Variants in LRPPRC observed in about 807,000 individuals in gnomAD.
LRPPRC encodes leucine-rich PPR motif-containing protein, mitochondrial.
In LRPPRC, 120 loss-of-function variants were observed where a neutral mutation model predicts 180.3. The ratio of observed to expected loss-of-function variants is 0.67; its 90% CI spans 0.57 to 0.77. The LOEUF is 0.77. LRPPRC is among the 30% of genes least tolerant of loss of function. The pLI, the probability that LRPPRC is intolerant of heterozygous loss-of-function variation, is 0.00. For missense variants in LRPPRC, 2,012 were observed against 1,657.2 expected (o/e 1.21, Z -3.72); for synonymous variants, 723 against 600.0 (o/e 1.21, Z -3.00).
At chr2:43,945,915 C>T (rs1167707417) in intron 21 of LRPPRC, among the ~76,000 whole-genome samples, 198 bp downstream of exon 21, 1 of 151,132 alleles carries the variant, frequency 6.6e-6, no homozygotes, top group Non-Finnish European at 1.5e-5. Context: ...TCTTATCATA[C>T]TTAAACAAAG....
intron 31 of LRPPRC, 133 bp downstream of exon 31, chr2:43,905,559 C>G (rs1332754648): frequency 1.3e-6 from 1 of 745,450 alleles, no homozygotes; most frequent in Non-Finnish European, 2.5e-6. Context: ...TTATGTCTCT[C>G]AGCTACCACA....
intron 11 of LRPPRC, 153 bp from the exon 12 acceptor site, chr2:43,963,859 A>G (rs1673452202): frequency 1.1e-5 from 7 of 662,558 alleles, no homozygotes; most frequent in South Asian, 3.5e-5. Context: ...ACACTGTGAG[A>G]TACAATGATA....
At chr2:43,962,736 G>C (rs564739532) in intron 12 of LRPPRC, among the ~76,000 whole-genome samples, 1 of 152,184 alleles carries the variant, frequency 6.6e-6, no homozygotes, top group Non-Finnish European at 1.5e-5. Flanking sequence ...AAAAAAGAGA[G>C]AGAGACAGAA....
In LRPPRC at chr2:43,959,419, G is replaced by A. The variant is rs566587484; in HGVS notation, c.1582+1122C>T. Among the ~76,000 whole-genome samples the A allele has an allele frequency of 3.3e-5, 5 of 152,210 alleles. No homozygotes were observed. The East Asian group carries it at 9.6e-4, about 29-fold the overall frequency. On this transcript the variant is annotated intron_variant, in intron 13 of 37. Transcript: ENST00000260665. ...TACCAATAACCTGGTTGGTATAAAG[G>A]TTCCACCCATACAGTTTGAATATAA...
At chr2:43,963,559 TATTAA>T in intron 12 of LRPPRC, 24 bp downstream of exon 12, 1 of 1,276,000 alleles carries the variant, frequency 7.8e-7, no homozygotes, top group South Asian at 1.2e-5. Flanking sequence ...CCTCTTCAAT[TATTAA>T]ATTAAAACCA....
chr2:43,934,187 C>T lies in LRPPRC; in HGVS notation c.2736+3G>A, dbSNP rs1672188741. ...AATTAGAACACTGTAGTTAAAATCA[C>T]ACCTCAATGATCTTCTTGGCCTCTT... On this transcript the variant is annotated splice_donor_region_variant and intron_variant, in intron 25 of 37. Transcript: ENST00000260665. 2 of 1,541,416 alleles carry T rather than the reference C, an allele frequency of 1.3e-6. No individual in the cohort carries two copies. Among genetic ancestry groups the T allele is most frequent in the East Asian group, 4.5e-5 (2 of 44,416 alleles).
At chr2:43,930,815 T>C (rs548501739) in intron 25 of LRPPRC, among the ~76,000 whole-genome samples, 1 of 152,296 alleles carries the variant, frequency 6.6e-6, no homozygotes, top group South Asian at 2.1e-4. Context: ...AACTCAGGGT[T>C]CGTGAGTTCT....
intron 26 of LRPPRC, 102 bp downstream of exon 26, chr2:43,925,791 A>G (rs931742511): frequency 2.5e-6 from 2 of 798,134 alleles, no homozygotes; most frequent in African/African-American, 3.4e-5. Context: ...TGCTTCCACA[A>G]TGCCCTGTCT....
chr2:43,916,147 A>C (rs1214903921), intron 29 of LRPPRC, among the ~76,000 whole-genome samples: 4 of 152,176 alleles, frequency 2.6e-5, no homozygotes, highest in Admixed American at 2.6e-4. Flanking sequence ...AAAACTATCA[A>C]TACTAAAATA....
rs762916998 is a variant in LRPPRC, at chr2:43,905,771, G to C, written c.3285C>G (p.Thr1095=). ...QAMEVKAFAE[T]HIKGFTLNDA... ...CGTTCAGTGTGAAGCCCTTGATGTG[G>C]GTCTCCGCGCTAAAAGAAGCAGACA... The change falls in exon 31 of 38, where the codon ACC becomes ACG. Residue 1095 remains threonine, a synonymous_variant. Coordinates refer to ENST00000260665, the MANE Select transcript of LRPPRC (RefSeq NM_133259.4). 18 of 1,608,374 alleles carry C rather than the reference G, an allele frequency of 1.1e-5. No homozygotes were observed. The highest frequency in any genetic ancestry group is 1.4e-5 in the Non-Finnish European group (17 of 1,174,806).
chr2:43,985,043 T>C (rs377646932), intron 1 of LRPPRC, among the ~76,000 whole-genome samples: 2 of 151,370 alleles, frequency 1.3e-5, no homozygotes, highest in African/African-American at 4.9e-5. Context: ...AACGATCTTA[T>C]AGTTGAATGT....
chr2:43,947,325 G>A lies in LRPPRC; in HGVS notation c.2011C>T (p.Leu671=), dbSNP rs1258472906. The change falls in exon 20 of 38, where the codon CTA becomes TTA. Residue 671 remains leucine (L), a synonymous_variant. Transcript: ENST00000260665. ...SSELESTLET[L]KAENQPIRDV... is the part of the protein sequence containing the mutation. ...CTTATAGGTTGATTTTCAGCTTTTA[G>A]TGTTTCAAGTGTGGACTCCAATTCA... is the stretch of plus-strand genomic sequence containing the variant. The A allele has an allele frequency of 1.9e-6, 3 of 1,606,136 alleles. No homozygotes were observed. The highest frequency in any genetic ancestry group is 2.2e-5 in the South Asian group (2 of 90,874).
intron 14 of LRPPRC, among the ~76,000 whole-genome samples, chr2:43,950,913 T>C (rs1185239603): frequency 1.3e-5 from 2 of 152,000 alleles, no homozygotes; most frequent in Admixed American, 1.3e-4. Flanking sequence ...CCACTAGAAG[T>C]AGAAAAATTA....
At chr2:43,902,783 T>G (rs1005812736) in intron 31 of LRPPRC, 14 of 152,154 alleles carry the variant, frequency 9.2e-5, no homozygotes, top group African/African-American at 3.4e-4. Flanking sequence ...ATAATAATAG[T>G]CTTATTAACC....
intron 23 of LRPPRC, among the ~76,000 whole-genome samples, chr2:43,940,870 G>C (rs566147123): frequency 6.6e-6 from 1 of 152,082 alleles, no homozygotes; most frequent in African/African-American, 2.4e-5. Context: ...CATGAATCAG[G>C]CATGATTTTA....
At chr2:43,924,953 G>T in intron 27 of LRPPRC, 114 bp downstream of exon 27, 1 of 745,944 alleles carries the variant, frequency 1.3e-6, no homozygotes. Context: ...AGCCTCTGTT[G>T]AATGAAAACT....
At chr2:43,937,595 A>T (rs1426199714) in intron 23 of LRPPRC, among the ~76,000 whole-genome samples, 1 of 152,208 alleles carries the variant, frequency 6.6e-6, no homozygotes, top group East Asian at 1.9e-4. Context: ...TTTCCATCCC[A>T]ACTGATAAGA....
chr2:43,934,232 G>A lies in LRPPRC; in HGVS notation c.2694C>T (p.Phe898=), dbSNP rs759923104. ...MVMLYDLFFA[F]LQTGNYKEAK... ...CCTCTTTGTAATTTCCTGTTTGTAG[G>A]AAGGCAAAGAAGAGATCATAGAGCA... Residue 898 remains phenylalanine (F), a synonymous_variant, in exon 25 of 38, where the codon TTC becomes TTT. Transcript: ENST00000260665. The A allele has an allele frequency of 6.2e-7, 1 of 1,612,036 alleles. No homozygotes were observed. The highest frequency in any genetic ancestry group is 1.7e-5 in the Admixed American group (1 of 59,940).
At chr2:43,926,402 T>TC (rs1219336942) in intron 25 of LRPPRC, among the ~76,000 whole-genome samples, 1 of 151,542 alleles carries the variant, frequency 6.6e-6, no homozygotes, top group East Asian at 1.9e-4. Flanking sequence ...TTTTAATTTA[T>TC]TTTTTTTTAG....
Sources: allele counts gnomAD v4.1 joint callset (sites outside exome capture counted in the v4.1 genomes callset), GRCh38; gene constraint gnomAD v4.1.1; transcripts MANE v1.5; gene names NCBI Gene and HGNC (gene_info 2026-07-23, HGNC 2026-07-21).